KLRC3: variants seen among roughly 807,000 people sequenced by gnomAD.
KLRC3 encodes the protein NKG2-E type II integral membrane protein.
Under a neutral mutation model 23.6 loss-of-function variants are expected in KLRC3, and 16 were observed. The observed-to-expected ratio is 0.68, with a 90% CI of 0.46 to 1.03. KLRC3 has a LOEUF of 1.03. Among genes scored for constraint, KLRC3 ranks in the 50% least tolerant of loss-of-function variants. KLRC3 has a pLI of 0.00. For synonymous variants in KLRC3, 70 were observed against 71.8 expected, an observed-to-expected ratio of 0.98 and a Z score of 0.13; for missense variants, 209 against 232.2, an observed-to-expected ratio of 0.90 and a Z score of 0.65.
At chr12:10,419,649 A>G (rs1863693382) in intron 2 of KLRC3, 1 of 601,830 alleles carries the variant, frequency 1.7e-6, no homozygotes, top group Non-Finnish European at 2.7e-6. Context: ...GATAAACCAT[A>G]ATGAGTTTAG....
chr12:10,416,347 T>G (rs1344326726), intron 5 of KLRC3, among the ~76,000 whole-genome samples: 1 of 152,206 alleles, frequency 6.6e-6, no homozygotes, highest in East Asian at 1.9e-4. Context: ...ATTTTTGCAA[T>G]TTTTTTGTTT....
intron 5 of KLRC3, among the ~76,000 whole-genome samples, chr12:10,416,038 T>C (rs2682498): frequency 0.014 from 2,113 of 152,264 alleles, 44 homozygotes; most frequent in African/African-American, 0.048. Flanking sequence ...AGAGATTATG[T>C]TTTCTCTACA....
chr12:10,415,621 A>C lies in KLRC3; in HGVS notation c.678+83T>G. 1.3e-6 allele frequency: 2 copies of C among 1,590,354 alleles called. No homozygotes were observed. Among genetic ancestry groups the C allele is most frequent in the South Asian group, 2.3e-5 (2 of 87,236 alleles). ...TCATTTTAAGGCTTATGCAATCATA[A>C]TATCATTTCTGTTTGAACAAATATA... is the stretch of plus-strand genomic sequence containing the variant. On this transcript the variant is annotated intron_variant, in intron 6 of 6. Coordinates refer to ENST00000396439, the MANE Select transcript of KLRC3 (RefSeq NM_002261.3).
At chr12:10,414,379 C>A (rs1383892037) in intron 6 of KLRC3, among the ~76,000 whole-genome samples, 1 of 150,568 alleles carries the variant, frequency 6.6e-6, no homozygotes, top group East Asian at 2.0e-4. Flanking sequence ...AAAAAAACAC[C>A]AAACTTTGTA....
intron 6 of KLRC3, among the ~76,000 whole-genome samples, chr12:10,414,137 A>G (rs1449084539): frequency 6.6e-6 from 1 of 152,192 alleles, no homozygotes; most frequent in African/African-American, 2.4e-5. Context: ...CCCTAGATAT[A>G]GTAGTATGTG....
chr12:10,418,781 A>G (rs4612903), intron 3 of KLRC3, among the ~76,000 whole-genome samples: 149,914 of 152,220 alleles, frequency 0.98, 73,848 homozygotes, highest in Middle Eastern at 1. Context: ...GCTTTTTTAG[A>G]ATAGTAAAAT....
intron 4 of KLRC3, among the ~76,000 whole-genome samples, chr12:10,417,383 A>G (rs1863660588): frequency 6.6e-6 from 1 of 152,124 alleles, no homozygotes; most frequent in African/African-American, 2.4e-5. Flanking sequence ...CTGGGACCCT[A>G]GCATCAGGGA....
chr12:10,412,497 T>G lies in KLRC3; in HGVS notation c.*75A>C, dbSNP rs2137853158. ...TTTAAAACACAAGCTAAATGGTACA[T>G]GAGCACTCAGGGGCGGTGGCTTGTG... On this transcript the variant is annotated 3_prime_UTR_variant, in exon 7 of 7. Coordinates refer to ENST00000396439, the MANE Select transcript of KLRC3 (RefSeq NM_002261.3). The G allele has an allele frequency of 2.9e-6, 2 of 700,716 alleles. No individual in the cohort carries two copies. Among genetic ancestry groups the G allele is most frequent in the East Asian group, 5.4e-5 (2 of 37,034 alleles). 43.4% of individuals were successfully genotyped at this position (700,716 alleles called of 1,614,324 possible). A position where few individuals can be genotyped will look rare whatever the true frequency, so the allele number is the denominator to read the frequency against.
At chr12:10,418,733 C>A (rs908650389) in intron 3 of KLRC3, among the ~76,000 whole-genome samples, 1 of 152,114 alleles carries the variant, frequency 6.6e-6, no homozygotes, top group Non-Finnish European at 1.5e-5. Context: ...AACAAAAATA[C>A]ACTCCACACA....
chr12:10,415,542 T>C (rs1863628400), intron 6 of KLRC3, 162 bp downstream of exon 6: 1 of 1,175,002 alleles, frequency 8.5e-7, no homozygotes. Flanking sequence ...TTGTGTGTAT[T>C]ATATTTCAAT....
intron 1 of KLRC3, 127 bp downstream of exon 1, chr12:10,420,237 A>C: frequency 9.0e-7 from 1 of 1,113,912 alleles, no homozygotes; most frequent in South Asian, 1.6e-5. Context: ...TTCATATTAG[A>C]ATATTAGATC....
intron 4 of KLRC3, among the ~76,000 whole-genome samples, chr12:10,417,656 A>AT: frequency 6.6e-6 from 1 of 152,024 alleles, no homozygotes; most frequent in Admixed American, 6.5e-5. Context: ...CAGGAAAGGG[A>AT]CCCACGACTA....
intron 6 of KLRC3, among the ~76,000 whole-genome samples, chr12:10,414,251 G>A (rs1211867039): frequency 2.6e-5 from 4 of 151,814 alleles, no homozygotes; most frequent in Non-Finnish European, 4.4e-5. Flanking sequence ...TTTATAAAAT[G>A]TTGTATAAAG....
At position 10,412,507 on chromosome 12, in the gene KLRC3, G is replaced by A; in HGVS notation, c.*65C>T. ...AAGCTAAATGGTACATGAGCACTCA[G>A]GGGCGGTGGCTTGTGTCAGTAATCC... On this transcript the variant is annotated 3_prime_UTR_variant, in exon 7 of 7. Coordinates refer to ENST00000396439, the MANE Select transcript of KLRC3 (RefSeq NM_002261.3). The A allele has an allele frequency of 1.4e-6, 1 of 701,610 alleles. No homozygotes were observed. The highest frequency in any genetic ancestry group is 2.6e-6 in the Non-Finnish European group (1 of 384,584). 43.5% of individuals were successfully genotyped at this position (701,610 alleles called of 1,614,324 possible).
intron 4 of KLRC3, among the ~76,000 whole-genome samples, chr12:10,416,977 A>C (rs150487526): frequency 6.6e-6 from 1 of 152,142 alleles, no homozygotes; most frequent in Non-Finnish European, 1.5e-5. Context: ...GCAATGTAAT[A>C]GTTACTCCAA....
chr12:10,412,505 C>T lies in KLRC3; in HGVS notation c.*67G>A. ...ACAAGCTAAATGGTACATGAGCACTCAGGGGCGGTGGCTTGTGTCAGTAAT... is the reference window on the plus strand; with the variant it reads ...ACAAGCTAAATGGTACATGAGCACTTAGGGGCGGTGGCTTGTGTCAGTAAT... On this transcript the variant is annotated 3_prime_UTR_variant, in exon 7 of 7. Transcript: ENST00000396439. The T allele has an allele frequency of 1.4e-6, 1 of 701,326 alleles. No individual in the cohort carries two copies. The highest frequency in any genetic ancestry group is 1.5e-5 in the South Asian group (1 of 67,500). The allele number at this position is 701,326 out of a possible 1,614,324, so 43.4% of individuals were successfully genotyped here.
At position 10,415,700 on chromosome 12, in the gene KLRC3, TCA is replaced by T; in HGVS notation, c.678+2_678+3del. 1 of 1,613,044 alleles carries T rather than the reference TCA, an allele frequency of 6.2e-7. No individual in the cohort carries two copies. Among genetic ancestry groups the T allele is most frequent in the South Asian group, 1.1e-5 (1 of 90,952 alleles). ...AGCGCTTTAATTCTAAAGCTTATGC[TCA>T]CAATGATTCTTGAAGATCCACACTG... On this transcript the variant is annotated splice_donor_variant and splice_donor_region_variant and intron_variant, in intron 6 of 6. Coordinates refer to ENST00000396439, the MANE Select transcript of KLRC3 (RefSeq NM_002261.3). LOFTEE classifies it high-confidence loss of function.
At chr12:10,418,105 T>G (rs1221366951) in intron 4 of KLRC3, among the ~76,000 whole-genome samples, 1 of 152,094 alleles carries the variant, frequency 6.6e-6, no homozygotes, top group Non-Finnish European at 1.5e-5. Context: ...AATAGTAAAA[T>G]TTATTGTGGA....
Position 10,419,898 on chromosome 12 carries a change from G to T in KLRC3, c.254C>A (p.Ala85Asp), listed in dbSNP as rs200300248. ...VLGIICIVLM[A>D]TVLKTIVLIP... Reference sequence around the variant, plus strand: ...AAGAACTATTGTTTTTAACACAGTGGCCATCAGGACAATGCAAATGATTCC... The same window carrying T: ...AAGAACTATTGTTTTTAACACAGTGTCCATCAGGACAATGCAAATGATTCC... Residue 85 changes from alanine (A) to aspartate (D), a missense_variant, in exon 2 of 7, where the codon GCC becomes GAC. Ala to Asp is a moderately radical substitution (Grantham distance 126, BLOSUM62 -2). Around this residue, in one of 4 missense-constraint regions of KLRC3, gnomAD observed 109 missense variants for 113.2 expected, o/e 0.96. Transcript: ENST00000396439. The T allele has an allele frequency of 6.8e-6, 4 of 588,520 alleles. No homozygotes were observed. The East Asian group carries it at 1.2e-4, about 17-fold the overall frequency. The allele number at this position is 588,520 out of a possible 1,614,324, so 36.5% of individuals were successfully genotyped here.
Sources: allele counts gnomAD v4.1 joint callset (sites outside exome capture counted in the v4.1 genomes callset), GRCh38; gene constraint gnomAD v4.1.1; regional missense constraint gnomAD v4.1.1; transcripts MANE v1.5; gene names NCBI Gene and HGNC (gene_info 2026-07-23, HGNC 2026-07-21).